ZFHX3: variants seen among roughly 807,000 people sequenced by gnomAD.
ZFHX3 encodes the protein zinc finger homeobox protein 3.
Under a neutral mutation model 279.1 loss-of-function variants are expected in ZFHX3, and 42 were observed. That is an observed-to-expected ratio of 0.15 (90% CI 0.12 to 0.19). The LOEUF is 0.19. Among genes scored for constraint, ZFHX3 ranks in the 10% least tolerant of loss-of-function variants. ZFHX3 has a pLI of 1.00. For missense variants in ZFHX3, 4,981 were observed against 4,754.0 expected (o/e 1.05, Z -1.40); for synonymous variants, 2,293 against 1,957.8 (o/e 1.17, Z -4.52).
chr16:73,266,442 A>G (rs2013977679), intron 4 of ZFHX3, among the ~76,000 whole-genome samples: 1 of 152,342 alleles, frequency 6.6e-6, no homozygotes, highest in Admixed American at 6.5e-5. Flanking sequence ...CAAGAACTAA[A>G]TGAAGAGCTA....
chr16:73,203,314 C>T (rs1175623187), intron 5 of ZFHX3, among the ~76,000 whole-genome samples: 8 of 152,110 alleles, frequency 5.3e-5, no homozygotes, highest in Non-Finnish European at 1.2e-4. Context: ...CCTTCAAGGC[C>T]CTGCTTTCAT....
At chr16:73,411,870 G>A (rs188662970) in intron 3 of ZFHX3, among the ~76,000 whole-genome samples, 10 of 152,258 alleles carry the variant, frequency 6.6e-5, no homozygotes, top group East Asian at 5.8e-4. Flanking sequence ...ACATTTGAGT[G>A]TGTGACCTCC....
At chr16:72,816,532 C>T (rs961765204) in intron 5 of ZFHX3, among the ~76,000 whole-genome samples, 1 of 152,168 alleles carries the variant, frequency 6.6e-6, no homozygotes, top group African/African-American at 2.4e-5. Flanking sequence ...CACAGACTTT[C>T]CAGGGAGTGA....
intron 3 of ZFHX3, among the ~76,000 whole-genome samples, chr16:73,434,620 T>G (rs1250118757): frequency 6.8e-6 from 1 of 147,542 alleles, no homozygotes; most frequent in Non-Finnish European, 1.5e-5. Flanking sequence ...GTTTTTTTTT[T>G]GTTGTTGCTT....
rs1470610248 is a variant in ZFHX3, at chr16:73,424,784, GA to G, written c.-1291+31218del. Among the ~76,000 whole-genome samples the G allele has an allele frequency of 2.9e-5, 4 of 137,114 alleles. No individual in the cohort carries two copies. The East Asian group carries it at 6.7e-4, about 23-fold the overall frequency. 90.0% of individuals were successfully genotyped at this position (137,114 alleles called of 152,430 possible). The stretch of plus-strand genomic sequence containing the variant: ...AAAAAAAAAAAAAAAAAAAGAGAAA[GA>G]AAAGAAAAAAAAGAACTAGTATGAA... On this transcript the variant is annotated intron_variant, in intron 3 of 17. Coordinates refer to the ZFHX3 transcript ENST00000641206.
chr16:73,507,430 A>G (rs1453516364), intron 2 of ZFHX3, among the ~76,000 whole-genome samples: 1 of 150,086 alleles, frequency 6.7e-6, no homozygotes, highest in Non-Finnish European at 1.5e-5. Context: ...GGATGGACAC[A>G]GTGGAAAGTG....
At chr16:73,665,209 G>A (rs1021095558) in intron 2 of ZFHX3, among the ~76,000 whole-genome samples, 1 of 116,160 alleles carries the variant, frequency 8.6e-6, no homozygotes, top group Non-Finnish European at 1.7e-5. Context: ...GATCATCATT[G>A]CACTTTTTTT....
chr16:73,252,891 G>A (rs1171765568), intron 5 of ZFHX3, among the ~76,000 whole-genome samples: 1 of 152,198 alleles, frequency 6.6e-6, no homozygotes, highest in Admixed American at 6.5e-5. Flanking sequence ...GTATGCTGGC[G>A]GAAGGCCACC....
intron 4 of ZFHX3, among the ~76,000 whole-genome samples, chr16:73,292,370 T>A (rs2014794366): frequency 6.6e-6 from 1 of 152,166 alleles, no homozygotes; most frequent in Admixed American, 6.5e-5. Flanking sequence ...AGTTCTGACA[T>A]TCCCTACTCC....
At chr16:73,120,780 G>A (rs548162663) in intron 7 of ZFHX3, among the ~76,000 whole-genome samples, 5 of 148,948 alleles carry the variant, frequency 3.4e-5, no homozygotes, top group East Asian at 2.1e-4. Flanking sequence ...TCAACCTCCC[G>A]AGTAGCTGGG....
rs1382109496 is a variant in ZFHX3, at chr16:73,183,631, T to TA, written c.-1103-39801dup. On this transcript the variant is annotated intron_variant, in intron 5 of 17. Transcript: ENST00000641206. ...ACAGCCCAGACTTCACACGCTGTCT[T>TA]ACGTTTGGGAAAACTCTGCGCTATC... Among the ~76,000 whole-genome samples the TA allele has an allele frequency of 2.6e-5, 4 of 152,170 alleles. No individual in the cohort carries two copies. In the East Asian group the frequency reaches 7.7e-4, roughly 29 times the overall value.
chr16:73,106,423 G>C (rs76491055), intron 7 of ZFHX3, among the ~76,000 whole-genome samples: 3,697 of 152,130 alleles, frequency 0.024, 157 homozygotes, highest in African/African-American at 0.082. Context: ...GATTACACAA[G>C]ACGGAAGATG....
chr16:73,156,152 A>T (rs967916671), intron 5 of ZFHX3, among the ~76,000 whole-genome samples: 1 of 150,520 alleles, frequency 6.6e-6, no homozygotes, highest in African/African-American at 2.4e-5. Context: ...GAATGGTGTG[A>T]ACCCGGGAGG....
intron 1 of ZFHX3, among the ~76,000 whole-genome samples, chr16:73,878,111 T>C (rs2030013555): frequency 6.6e-6 from 1 of 151,984 alleles, no homozygotes; most frequent in South Asian, 2.1e-4. Flanking sequence ...AGCAAAATAA[T>C]AGTAATAATA....
At chr16:73,032,078 C>T (rs907371185) in intron 1 of ZFHX3, among the ~76,000 whole-genome samples, 3 of 152,112 alleles carry the variant, frequency 2.0e-5, no homozygotes, top group Admixed American at 1.3e-4. Context: ...CAGTGGCTCA[C>T]GCCTGTAATT....
In ZFHX3 at chr16:73,043,211, A is replaced by G. The variant is rs867725419; in HGVS notation, c.-50+4541T>C. On this transcript the variant is annotated intron_variant, in intron 1 of 9. Transcript: ENST00000268489. ...CACCTAAGACCTCCAGGACACAGCA[A>G]GCCAGCTAAGGCCCCTCTGGAAAGG... 2.3e-4 allele frequency among the ~76,000 whole-genome samples: 35 copies of G among 152,194 alleles called. 1 individual carries two copies. Among genetic ancestry groups the G allele is most frequent in the African/African-American group, 7.7e-4 (32 of 41,444 alleles).
chr16:73,317,719 G>A (rs1415920863), intron 4 of ZFHX3, among the ~76,000 whole-genome samples: 3 of 152,118 alleles, frequency 2.0e-5, no homozygotes, highest in Non-Finnish European at 2.9e-5. Context: ...ATACACATGC[G>A]CGGCATCAAA....
intron 2 of ZFHX3, chr16:73,487,323 G>C: frequency 9.2e-6 from 3 of 325,446 alleles, no homozygotes; most frequent in Non-Finnish European, 1.8e-5. Context: ...TTACTCAAAT[G>C]TCTTCTGAAC....
At chr16:73,559,441 G>T (rs2020337662) in intron 2 of ZFHX3, among the ~76,000 whole-genome samples, 1 of 152,142 alleles carries the variant, frequency 6.6e-6, no homozygotes, top group African/African-American at 2.4e-5. Context: ...GCAACACTGG[G>T]CTTTGATGAA....
Sources: gnomAD v4.1 joint callset for allele counts (sites outside exome capture counted in the v4.1 genomes callset) on GRCh38, gnomAD v4.1.1 for gene constraint, MANE v1.5 for transcripts, NCBI Gene and HGNC (gene_info 2026-07-23, HGNC 2026-07-21) for gene names.